The following MSRA variants were observed in gnomAD, a reference collection of about 807,000 sequenced individuals.
MSRA encodes the protein mitochondrial peptide methionine sulfoxide reductase.
MSRA carries 54 observed loss-of-function variants against 31.3 expected under a neutral mutation model. The ratio of observed to expected loss-of-function variants is 1.73; its 90% CI spans 1.39 to 2.17. MSRA has a LOEUF of 2.17. Among genes scored for constraint, MSRA ranks in the 30% most tolerant of loss-of-function variants. The pLI is 0.00. For synonymous variants in MSRA, 169 were observed against 116.5 expected, an observed-to-expected ratio of 1.45 and a Z score of -2.90; for missense variants, 507 against 300.9, an observed-to-expected ratio of 1.69 and a Z score of -5.07.
chr8:10,381,508 G>A (rs1416739938), intron 5 of MSRA, among the ~76,000 whole-genome samples: 1 of 152,160 alleles, frequency 6.6e-6, no homozygotes, highest in Non-Finnish European at 1.5e-5. Context: ...TACCCTACGG[G>A]CCCCTCCCCA....
At chr8:10,415,356 T>C (rs1808394660) in intron 5 of MSRA, among the ~76,000 whole-genome samples, 1 of 152,186 alleles carries the variant, frequency 6.6e-6, no homozygotes, top group Admixed American at 6.5e-5. Flanking sequence ...CCACTTCCTC[T>C]GGGTTCCCAC....
chr8:10,360,995 C>G (rs969165741), intron 5 of MSRA, among the ~76,000 whole-genome samples: 1 of 152,154 alleles, frequency 6.6e-6, no homozygotes, highest in African/African-American at 2.4e-5. Context: ...TGCCTAGGTC[C>G]CTAATTAAAG....
intron 1 of MSRA, among the ~76,000 whole-genome samples, chr8:10,196,842 G>A (rs1348228843): frequency 2.0e-5 from 3 of 152,018 alleles, no homozygotes; most frequent in African/African-American, 7.3e-5. Flanking sequence ...AAAGTGCTGG[G>A]ATTACAGGCA....
At chr8:10,072,828 A>G (rs1797808306) in intron 1 of MSRA, among the ~76,000 whole-genome samples, 1 of 152,194 alleles carries the variant, frequency 6.6e-6, no homozygotes, top group Admixed American at 6.5e-5. Flanking sequence ...CTATGTTCAT[A>G]CCTAACCTAA....
intron 1 of MSRA, among the ~76,000 whole-genome samples, chr8:10,182,799 CAG>C (rs1396436659): frequency 2.6e-5 from 4 of 152,230 alleles, no homozygotes; most frequent in African/African-American, 7.2e-5. Context: ...ATCAAAGCAC[CAG>C]AGAGAGTGTC....
intron 5 of MSRA, among the ~76,000 whole-genome samples, chr8:10,361,859 T>C (rs1804866453): frequency 6.6e-6 from 1 of 152,250 alleles, no homozygotes; most frequent in Admixed American, 6.5e-5. Flanking sequence ...CATCGTACTG[T>C]CATCCTTTAA....
intron 2 of MSRA, among the ~76,000 whole-genome samples, chr8:10,209,900 G>T (rs1190767065): frequency 1.3e-5 from 2 of 152,216 alleles, no homozygotes; most frequent in Non-Finnish European, 2.9e-5. Context: ...TGATAAAGTA[G>T]AATATGTTTG....
At chr8:10,062,770 G>A (rs949636532) in intron 1 of MSRA, among the ~76,000 whole-genome samples, 3 of 152,178 alleles carry the variant, frequency 2.0e-5, no homozygotes, top group African/African-American at 7.2e-5. Flanking sequence ...TTATTAACTA[G>A]ATGGAATTTC....
At chr8:10,284,263 A>C (rs890863247) in intron 3 of MSRA, among the ~76,000 whole-genome samples, 4 of 152,130 alleles carry the variant, frequency 2.6e-5, no homozygotes, top group Admixed American at 2.0e-4. Flanking sequence ...ATCTCGGCTC[A>C]CTGCAACCTC....
At chr8:10,083,117 A>T (rs1798375795) in intron 1 of MSRA, among the ~76,000 whole-genome samples, 1 of 152,186 alleles carries the variant, frequency 6.6e-6, no homozygotes, top group Admixed American at 6.5e-5. Context: ...TGTGACTCTC[A>T]TCCAACTTAT....
chr8:10,061,994 G>A lies in MSRA; in HGVS notation c.142+7336G>A, dbSNP rs543604751. Among the ~76,000 whole-genome samples the A allele has an allele frequency of 2.6e-3, 399 of 152,310 alleles. 1 individual carries two copies. The highest frequency in any genetic ancestry group is 4.1e-3 in the Non-Finnish European group (281 of 68,028). ...CTCAGGAGTTATTGTGAGCCCCTGC[G>A]TTGGGTGGGGGAAGGGAGGAAAGGA... On this transcript the variant is annotated intron_variant, in intron 1 of 5. Transcript: ENST00000317173.
chr8:10,363,125 C>T (rs1287459930), intron 5 of MSRA, among the ~76,000 whole-genome samples: 2 of 152,248 alleles, frequency 1.3e-5, no homozygotes, highest in Admixed American at 1.3e-4. Flanking sequence ...TCTTCTAGCA[C>T]TTTCAGCCTT....
chr8:10,160,210 A>C (rs189278705), intron 1 of MSRA, among the ~76,000 whole-genome samples: 1 of 152,194 alleles, frequency 6.6e-6, no homozygotes, highest in Non-Finnish European at 1.5e-5. Context: ...AAATATAGAT[A>C]GGATGGGGCC....
chr8:10,146,407 A>G (rs1464285922), intron 1 of MSRA, among the ~76,000 whole-genome samples: 4 of 152,218 alleles, frequency 2.6e-5, no homozygotes, highest in Non-Finnish European at 1.5e-5. Context: ...TCGTCTGGCC[A>G]GAGGTTCTCT....
In MSRA at chr8:10,054,642, A is replaced by G. The variant is rs768248558; in HGVS notation, c.126A>G (p.Glu42=). ...AGGAGGCCTTGCCGGGCCGGAAGGA[A>G]CAGACCCCTGTAGCGGGTAAGCACT... The part of the protein sequence containing the change: ...SPQEALPGRK[E]QTPVAAKHHV... Residue 42 remains glutamate, a synonymous_variant, in exon 1 of 6, where the codon GAA becomes GAG. Coordinates refer to ENST00000317173, the MANE Select transcript of MSRA (RefSeq NM_012331.5). 1.9e-6 allele frequency: 3 copies of G among 1,571,408 alleles called. No individual in the cohort carries two copies. Among genetic ancestry groups the G allele is most frequent in the East Asian group, 2.6e-5 (1 of 39,014 alleles).
chr8:10,068,945 T>C (rs1444111983), intron 1 of MSRA, among the ~76,000 whole-genome samples: 3 of 152,242 alleles, frequency 2.0e-5, no homozygotes, highest in African/African-American at 7.2e-5. Flanking sequence ...TTTATTTAGA[T>C]ATATTTCTTT....
intron 2 of MSRA, among the ~76,000 whole-genome samples, chr8:10,224,195 TC>T (rs1335023213): frequency 6.6e-6 from 1 of 152,200 alleles, no homozygotes; most frequent in African/African-American, 2.4e-5. Context: ...TTTGTGGTTA[TC>T]TGGTGTCACC....
chr8:10,411,387 A>G (rs1047308558), intron 5 of MSRA: 1 of 152,168 alleles, frequency 6.6e-6, no homozygotes, highest in African/African-American at 2.4e-5. Context: ...ATTCTTAACC[A>G]TGTGGAGCTG....
At chr8:10,338,549 A>AT (rs1439905679) in intron 5 of MSRA, among the ~76,000 whole-genome samples, 2 of 152,266 alleles carry the variant, frequency 1.3e-5, no homozygotes, top group African/African-American at 4.8e-5. Context: ...AACTGGCTTC[A>AT]TTTGATTATT....
Sources: allele counts gnomAD v4.1 joint callset (sites outside exome capture counted in the v4.1 genomes callset), GRCh38; gene constraint gnomAD v4.1.1; transcripts MANE v1.5; gene names NCBI Gene and HGNC (gene_info 2026-07-23, HGNC 2026-07-21).